The following DCHS2 variants were observed in gnomAD, a reference collection of about 807,000 sequenced individuals.
DCHS2 encodes protocadherin-23.
DCHS2 carries 142 observed loss-of-function variants against 182.4 expected under a neutral mutation model. The ratio of observed to expected loss-of-function variants is 0.78; its 90% CI spans 0.68 to 0.89. The LOEUF is 0.89. Ranked by LOEUF, DCHS2 falls within the 40% of genes least tolerant of loss-of-function variation. DCHS2 has a pLI of 0.00. For missense variants in DCHS2, 4,319 were observed against 4,198.6 expected (o/e 1.03, Z -0.79); for synonymous variants, 1,740 against 1,663.3 (o/e 1.05, Z -1.12).
intron 2 of DCHS2, among the ~76,000 whole-genome samples, chr4:154,369,130 A>G (rs1730525368): frequency 6.6e-6 from 1 of 152,222 alleles, no homozygotes; most frequent in Non-Finnish European, 1.5e-5. Context: ...TGGGACAACT[A>G]TTGCTATCCT....
intron 3 of DCHS2, chr4:154,343,529 T>C: frequency 6.6e-7 from 1 of 1,521,228 alleles, no homozygotes; most frequent in African/African-American, 1.4e-5. Flanking sequence ...CATCAGCACT[T>C]GCTGCTTCAT....
chr4:154,444,935 C>T (rs1387319036), intron 1 of DCHS2, among the ~76,000 whole-genome samples: 5 of 152,184 alleles, frequency 3.3e-5, no homozygotes, highest in Non-Finnish European at 5.9e-5. Context: ...TTGCGCTTTA[C>T]TTGCTGTCTT....
At chr4:154,302,793 ATATATATACT>A (rs1354345513) in intron 12 of DCHS2, among the ~76,000 whole-genome samples, 3 of 141,890 alleles carry the variant, frequency 2.1e-5, no homozygotes, top group Non-Finnish European at 3.0e-5. Flanking sequence ...TGCCTTTCAT[ATATATATACT>A]TATATATATT....
At chr4:154,336,894 A>G (rs1728838483) in intron 3 of DCHS2, among the ~76,000 whole-genome samples, 1 of 152,244 alleles carries the variant, frequency 6.6e-6, no homozygotes, top group Non-Finnish European at 1.5e-5. Context: ...CAAGTTGATC[A>G]TCTCAATTTT....
intron 1 of DCHS2, 26 bp downstream of exon 1, chr4:154,489,278 T>C (rs1467526643): frequency 2.7e-6 from 4 of 1,467,518 alleles, no homozygotes; most frequent in Non-Finnish European, 3.6e-6. Flanking sequence ...AGCCTTCAGG[T>C]TGGCCCACAG....
At position 154,377,255 on chromosome 4, in the gene DCHS2, C is replaced by T. The variant is rs1730945705; in HGVS notation, c.2242G>A (p.Gly748Arg). Residue 748 changes from glycine to arginine, a missense_variant and splice_region_variant, in exon 2 of 20, where the codon GGG becomes AGG. Physicochemically the swap from Gly to Arg is moderately radical, Grantham distance 125. Transcript: ENST00000357232. ...TYDLLVEAKD[G>R]GGLSAQAFVR... is the part of the protein sequence containing the mutation. Reference sequence around the variant, plus strand: ...AAACTTCATACATAAAAACTTACCCCATCCTTAGCTTCCACCAGGAGATCA... The same window carrying T: ...AAACTTCATACATAAAAACTTACCCTATCCTTAGCTTCCACCAGGAGATCA... 6.2e-7 allele frequency: 1 copy of T among 1,612,862 alleles called. No individual in the cohort carries two copies. Among genetic ancestry groups the T allele is most frequent in the Non-Finnish European group, 8.5e-7 (1 of 1,179,374 alleles).
At chr4:154,252,817 G>T (rs1192937972) in intron 16 of DCHS2, among the ~76,000 whole-genome samples, 1 of 151,930 alleles carries the variant, frequency 6.6e-6, no homozygotes, top group African/African-American at 2.4e-5. Flanking sequence ...TTTTTAGTGG[G>T]TATACATCTA....
chr4:154,464,367 G>C (rs1735150260), intron 1 of DCHS2, among the ~76,000 whole-genome samples: 1 of 152,070 alleles, frequency 6.6e-6, no homozygotes, highest in Non-Finnish European at 1.5e-5. Flanking sequence ...AATAATTTGA[G>C]GAAAATTCAC....
At chr4:154,421,033 C>A (rs1733089418) in intron 1 of DCHS2, among the ~76,000 whole-genome samples, 1 of 152,148 alleles carries the variant, frequency 6.6e-6, no homozygotes, top group South Asian at 2.1e-4. Flanking sequence ...TCAGAAGTCA[C>A]ACTCACTGAC....
chr4:154,375,564 A>T (rs905168057), intron 2 of DCHS2, among the ~76,000 whole-genome samples: 7 of 152,196 alleles, frequency 4.6e-5, no homozygotes, highest in Non-Finnish European at 1.0e-4. Context: ...TACGAATAGC[A>T]ATAAACATGA....
intron 13 of DCHS2, among the ~76,000 whole-genome samples, chr4:154,275,964 T>C (rs1311673366): frequency 6.6e-6 from 1 of 152,150 alleles, no homozygotes; most frequent in African/African-American, 2.4e-5. Flanking sequence ...TGAAAATACT[T>C]CAAACTAGAC....
chr4:154,349,085 A>T lies in DCHS2; in HGVS notation c.2477-13981T>A, dbSNP rs543578362. Among the ~76,000 whole-genome samples the T allele has an allele frequency of 8.5e-5, 13 of 152,156 alleles. 1 individual carries two copies. Among genetic ancestry groups the T allele is most frequent in the African/African-American group, 3.1e-4 (13 of 41,384 alleles). On this transcript the variant is annotated intron_variant, in intron 3 of 19. Coordinates refer to ENST00000357232, the MANE Select transcript of DCHS2 (RefSeq NM_001358235.2). ...TCAATAAATATTGCCAAAAGACAAA[A>T]TGACAACAAATTTAGTTTAAAGATC...
At chr4:154,323,920 T>C (rs553054764) in intron 7 of DCHS2, among the ~76,000 whole-genome samples, 2 of 152,260 alleles carry the variant, frequency 1.3e-5, no homozygotes, top group South Asian at 4.2e-4. Context: ...CCAAGCATTT[T>C]AGATTAAGGA....
intron 14 of DCHS2, chr4:154,261,917 T>C (rs1306273479): frequency 6.6e-6 from 1 of 152,088 alleles, no homozygotes; most frequent in African/African-American, 2.4e-5. Context: ...TGAAACTAGG[T>C]GGTCTTCAGA....
chr4:154,257,246 C>CA (rs987546329), intron 15 of DCHS2, among the ~76,000 whole-genome samples: 73 of 148,194 alleles, frequency 4.9e-4, no homozygotes, highest in South Asian at 1.5e-3. Context: ...GACTTCGTCT[C>CA]AAAAAAAAAA....
Position 154,332,510 on chromosome 4 carries a change from T to C in DCHS2, c.3698A>G (p.Asp1233Gly), listed in dbSNP as rs1417770445. The part of the protein sequence containing the change: ...NGQLLYFLLS[D>G]GKFFKMNPNT... The stretch of plus-strand genomic sequence containing the variant: ...AGGATTCATCTTGAAGAATTTTCCA[T>C]CAGACAAAAGGAAATATAATAGCTG... Residue 1233 changes from aspartate to glycine, a missense_variant, in exon 5 of 20, where the codon GAT becomes GGT. Transcript: ENST00000357232. 3 of 1,613,622 alleles carry C rather than the reference T, an allele frequency of 1.9e-6. No individual in the cohort carries two copies. Among genetic ancestry groups the C allele is most frequent in the Non-Finnish European group, 1.7e-6 (2 of 1,179,758 alleles).
intron 1 of DCHS2, among the ~76,000 whole-genome samples, chr4:154,382,521 G>A (rs970663035): frequency 6.6e-6 from 1 of 151,992 alleles, no homozygotes; most frequent in South Asian, 2.1e-4. Flanking sequence ...AAGAGCTTCT[G>A]CACAGTATAA....
At chr4:154,270,181 G>A (rs1047442753) in intron 13 of DCHS2, among the ~76,000 whole-genome samples, 168 bp from the exon 14 acceptor site, 4 of 152,072 alleles carry the variant, frequency 2.6e-5, no homozygotes, top group African/African-American at 9.7e-5. Flanking sequence ...AGGTGCTAGG[G>A]ATATACTAGC....
intron 2 of DCHS2, chr4:154,374,308 T>C: frequency 4.9e-6 from 1 of 204,944 alleles, no homozygotes; most frequent in Non-Finnish European, 9.8e-6. Context: ...GACAGTAGCC[T>C]GGAAGACACA....
Sources: allele counts gnomAD v4.1 joint callset (sites outside exome capture counted in the v4.1 genomes callset), GRCh38; gene constraint gnomAD v4.1.1; transcripts MANE v1.5; gene names NCBI Gene and HGNC (gene_info 2026-07-23, HGNC 2026-07-21).